The following HTR2C variants were observed in gnomAD, a reference collection of about 807,000 sequenced individuals.
HTR2C encodes 5-hydroxytryptamine receptor 2C.
In HTR2C, 5 loss-of-function variants were observed where a neutral mutation model predicts 21.0. The ratio of observed to expected loss-of-function variants is 0.24; its 90% CI spans 0.12 to 0.50. HTR2C has a LOEUF of 0.50. Ranked by LOEUF, HTR2C falls within the 20% of genes least tolerant of loss-of-function variation. The pLI, the probability that HTR2C is intolerant of heterozygous loss-of-function variation, is 0.98. For synonymous variants in HTR2C, 150 were observed against 145.3 expected (o/e 1.03, Z -0.23); for missense variants, 271 against 371.2 (o/e 0.73, Z 2.22).
intron 2 of HTR2C, among the ~76,000 whole-genome samples, chrX:114,641,428 T>C (rs1556406452): frequency 9.0e-6 from 1 of 111,715 alleles, no homozygotes; most frequent in African/African-American, 3.3e-5. Flanking sequence ...CATTTAAAAG[T>C]GGAGAAACAG....
intron 2 of HTR2C, among the ~76,000 whole-genome samples, chrX:114,623,562 T>C (rs1929247580): frequency 8.9e-6 from 1 of 112,076 alleles, no homozygotes; most frequent in African/African-American, 3.2e-5. Flanking sequence ...ACAGTGTATA[T>C]TGATGCTTTC....
intron 5 of HTR2C, among the ~76,000 whole-genome samples, chrX:114,891,080 G>A (rs1556482725): frequency 9.1e-6 from 1 of 110,384 alleles, no homozygotes; most frequent in Admixed American, 9.7e-5. Flanking sequence ...CCCATCAAGT[G>A]AATTTTTTTT....
chrX:114,728,427 A>T (rs1556422560), intron 3 of HTR2C, among the ~76,000 whole-genome samples: 3 of 111,153 alleles, frequency 2.7e-5, no homozygotes, highest in African/African-American at 9.7e-5. Flanking sequence ...AGATTTAATT[A>T]TAATACAGAC....
intron 2 of HTR2C, among the ~76,000 whole-genome samples, chrX:114,655,576 A>G (rs1930753250): frequency 1.8e-5 from 2 of 111,683 alleles, no homozygotes; most frequent in Admixed American, 1.9e-4. Context: ...TTTTTTTACT[A>G]TATTTTATGA....
intron 5 of HTR2C, among the ~76,000 whole-genome samples, chrX:114,887,058 T>C (rs1207373739): frequency 4.5e-5 from 5 of 112,249 alleles, no homozygotes; most frequent in Non-Finnish European, 9.4e-5. Context: ...AAAATGTGCA[T>C]ATTTAATTAG....
intron 4 of HTR2C, among the ~76,000 whole-genome samples, chrX:114,826,993 A>G (rs1287177122): frequency 1.5e-5 from 1 of 68,093 alleles, no homozygotes; most frequent in African/African-American, 4.6e-5. Flanking sequence ...CTTTTTTACT[A>G]TATTTCTTTG....
Position 114,649,036 on chromosome X carries a change from G to A in HTR2C, c.-80+35155G>A, listed in dbSNP as rs182587039. On this transcript the variant is annotated intron_variant, in intron 2 of 5. Coordinates refer to ENST00000276198, the MANE Select transcript of HTR2C (RefSeq NM_000868.4). ...GTACGCTACATACGGATACTTTAACGTCAACAGATCTTGGCTCCAAGAGAA... is the reference window on the plus strand; with the variant it reads ...GTACGCTACATACGGATACTTTAACATCAACAGATCTTGGCTCCAAGAGAA... Among the ~76,000 whole-genome samples the A allele has an allele frequency of 9.9e-5, 11 of 111,623 alleles. No individual in the cohort carries two copies. The East Asian group carries it at 2.3e-3, about 23-fold the overall frequency.
chrX:114,903,513 C>G (rs1358284365), intron 5 of HTR2C, among the ~76,000 whole-genome samples: 2 of 112,205 alleles, frequency 1.8e-5, no homozygotes, highest in African/African-American at 6.5e-5. Context: ...CAAATAGATG[C>G]CAGGGATAAA....
At chrX:114,898,060 C>T (rs1288499692) in intron 5 of HTR2C, among the ~76,000 whole-genome samples, 3 of 112,357 alleles carry the variant, frequency 2.7e-5, no homozygotes, top group Non-Finnish European at 5.6e-5. Context: ...ACAACCTCAC[C>T]ACCCTCTGTT....
intron 4 of HTR2C, among the ~76,000 whole-genome samples, chrX:114,765,568 A>G (rs1217893857): frequency 2.7e-5 from 3 of 110,704 alleles, no homozygotes; most frequent in Non-Finnish European, 5.7e-5. Flanking sequence ...CCACCAACCC[A>G]TGGAAATGTT....
chrX:114,596,133 CA>C (rs1927836324), intron 1 of HTR2C, among the ~76,000 whole-genome samples: 1 of 112,094 alleles, frequency 8.9e-6, no homozygotes, highest in Admixed American at 9.5e-5. Context: ...TTTTAAAATA[CA>C]GAAGCACTGA....
intron 5 of HTR2C, among the ~76,000 whole-genome samples, chrX:114,906,385 G>A (rs1422363941): frequency 9.0e-6 from 1 of 111,532 alleles, no homozygotes; most frequent in Non-Finnish European, 1.9e-5. Context: ...TAGGGAGAAG[G>A]CATTCCTAAC....
chrX:114,681,832 C>T (rs1487159018), intron 2 of HTR2C, among the ~76,000 whole-genome samples: 2 of 111,308 alleles, frequency 1.8e-5, no homozygotes, highest in Admixed American at 9.6e-5. Flanking sequence ...ATTGTCAAAA[C>T]GTGTTCCTCT....
At chrX:114,710,402 A>G (rs1209591353) in intron 2 of HTR2C, among the ~76,000 whole-genome samples, 2 of 102,680 alleles carry the variant, frequency 1.9e-5, no homozygotes, top group Admixed American at 2.2e-4. Flanking sequence ...GTTTCTTATA[A>G]AAATAAAAGA....
chrX:114,802,564 A>G (rs1449294563), intron 4 of HTR2C, among the ~76,000 whole-genome samples: 1 of 110,880 alleles, frequency 9.0e-6, no homozygotes, highest in African/African-American at 3.3e-5. Flanking sequence ...TGACAACCCA[A>G]CCAAACACAA....
At chrX:114,601,430 T>G in intron 1 of HTR2C, among the ~76,000 whole-genome samples, 1 of 105,924 alleles carries the variant, frequency 9.4e-6, no homozygotes, top group South Asian at 4.5e-4. Flanking sequence ...TAAAGGAAAA[T>G]TACAGTCAAA....
intron 2 of HTR2C, among the ~76,000 whole-genome samples, chrX:114,659,398 A>G (rs1556409796): frequency 9.0e-6 from 1 of 111,541 alleles, no homozygotes; most frequent in African/African-American, 3.3e-5. Flanking sequence ...TGCTCATCCC[A>G]TCTCCTCACC....
chrX:114,658,771 C>G (rs1930876483), intron 2 of HTR2C, among the ~76,000 whole-genome samples: 1 of 111,440 alleles, frequency 9.0e-6, no homozygotes, highest in South Asian at 3.7e-4. Flanking sequence ...TAGGGAAATA[C>G]AAAATCATCA....
intron 5 of HTR2C, among the ~76,000 whole-genome samples, chrX:114,886,852 T>A (rs1230947160): frequency 9.0e-6 from 1 of 111,561 alleles, no homozygotes; most frequent in Non-Finnish European, 1.9e-5. Context: ...GTAGAATCAT[T>A]TATTTAGCCC....
Sources: allele counts gnomAD v4.1 joint callset (sites outside exome capture counted in the v4.1 genomes callset), GRCh38; gene constraint gnomAD v4.1.1; transcripts MANE v1.5; gene names NCBI Gene and HGNC (gene_info 2026-07-23, HGNC 2026-07-21).